Variants in PTPRN2 observed in about 807,000 individuals in gnomAD.
PTPRN2 encodes the protein protein tyrosine phosphatase receptor type N2, also known as receptor-type tyrosine-protein phosphatase N2.
Under a neutral mutation model 118.8 loss-of-function variants are expected in PTPRN2, and 74 were observed. The observed-to-expected ratio is 0.62, with a 90% CI of 0.52 to 0.76. PTPRN2 has a LOEUF of 0.76. Ranked by LOEUF, PTPRN2 falls within the 30% of genes least tolerant of loss-of-function variation. PTPRN2 has a pLI of 0.00. For missense variants in PTPRN2, 1,481 were observed against 1,394.4 expected (o/e 1.06, Z -0.99); for synonymous variants, 641 against 608.0 (o/e 1.05, Z -0.80).
intron 11 of PTPRN2, among the ~76,000 whole-genome samples, chr7:158,031,612 A>T (rs1360987615): frequency 6.6e-6 from 1 of 152,162 alleles, no homozygotes; most frequent in Non-Finnish European, 1.5e-5. Flanking sequence ...AGACTTCAGG[A>T]AAAAAAGAAA....
At chr7:158,152,163 G>T (rs939130163) in intron 6 of PTPRN2, among the ~76,000 whole-genome samples, 2 of 102,770 alleles carry the variant, frequency 1.9e-5, no homozygotes, top group African/African-American at 8.2e-5. Context: ...GAAAGAGTGA[G>T]ACTCTGTCTC....
chr7:157,541,353 C>T (rs926051880), intron 22 of PTPRN2, among the ~76,000 whole-genome samples: 11 of 152,268 alleles, frequency 7.2e-5, no homozygotes, highest in Non-Finnish European at 1.6e-4. Context: ...GTCCACACCC[C>T]TCCTGGCTCA....
chr7:158,083,973 G>A (rs1813049383), intron 10 of PTPRN2, among the ~76,000 whole-genome samples: 1 of 38,824 alleles, frequency 2.6e-5, no homozygotes, highest in Admixed American at 2.8e-4. Context: ...CTATCCCGAG[G>A]CCCCACTACA....
At chr7:158,073,914 C>T (rs1033230540) in intron 11 of PTPRN2, among the ~76,000 whole-genome samples, 1 of 152,206 alleles carries the variant, frequency 6.6e-6, no homozygotes, top group East Asian at 1.9e-4. Flanking sequence ...AGGCCCACAG[C>T]CCAGCGGCAT....
At chr7:157,717,916 G>A (rs747446855) in intron 12 of PTPRN2, among the ~76,000 whole-genome samples, 2 of 152,218 alleles carry the variant, frequency 1.3e-5, no homozygotes, top group Admixed American at 6.5e-5. Flanking sequence ...GCCATTTTTC[G>A]GTATTTCTCT....
At chr7:158,296,653 C>T (rs1428931332) in intron 3 of PTPRN2, among the ~76,000 whole-genome samples, 3 of 152,238 alleles carry the variant, frequency 2.0e-5, no homozygotes, top group Non-Finnish European at 4.4e-5. Context: ...TCTGAGCCCA[C>T]AGCCTGCCCG....
chr7:157,924,988 C>T (rs1798892412), intron 11 of PTPRN2, among the ~76,000 whole-genome samples: 1 of 57,940 alleles, frequency 1.7e-5, no homozygotes, highest in Admixed American at 2.0e-4. Flanking sequence ...GCACATCAGG[C>T]AAATGCAGTT....
chr7:158,029,246 CGGGGGCACGGGGTCCGTATCCACTTGCT>C (rs1807511980), intron 11 of PTPRN2: 2 of 150,562 alleles, frequency 1.3e-5, no homozygotes, highest in African/African-American at 4.9e-5. Context: ...ATCCTCTCGC[CGGGGGCACGGGGTCCGTATCCACTTGCT>C]AGGGCATGGG....
At chr7:158,195,198 G>T (rs1182914186) in intron 4 of PTPRN2, among the ~76,000 whole-genome samples, 1 of 152,176 alleles carries the variant, frequency 6.6e-6, no homozygotes, top group Non-Finnish European at 1.5e-5. Context: ...GTATCTGAAG[G>T]ATACTTCCAT....
In PTPRN2 at chr7:157,621,383, G is replaced by C. The variant is rs771778391; in HGVS notation, c.2323C>G (p.Arg775Gly). 4 of 1,539,382 alleles carry C rather than the reference G, an allele frequency of 2.6e-6. No individual in the cohort carries two copies. The highest frequency in any genetic ancestry group is 3.5e-6 in the Non-Finnish European group (4 of 1,130,740). The change falls in exon 15 of 23, where the codon CGC becomes GGC. Residue 775 changes from arginine to glycine, a missense_variant. Coordinates refer to ENST00000389418, the MANE Select transcript of PTPRN2 (RefSeq NM_002847.5). ...AQREENVPKN[R>G]SLAVLTYDHS... The stretch of plus-strand genomic sequence containing the variant: ...GTACAGGTCAGCACGGCCAGGGAGC[G>C]GTTCTTGGGCACGTTCTCCTCCCTC...
At chr7:158,096,186 C>T (rs1177691065) in intron 10 of PTPRN2, among the ~76,000 whole-genome samples, 1 of 152,202 alleles carries the variant, frequency 6.6e-6, no homozygotes, top group Non-Finnish European at 1.5e-5. Flanking sequence ...TCTCTCCAAC[C>T]CTGTCATGGC....
chr7:157,685,222 C>A (rs1351993619), intron 12 of PTPRN2, among the ~76,000 whole-genome samples: 2 of 151,874 alleles, frequency 1.3e-5, no homozygotes, highest in Non-Finnish European at 2.9e-5. Context: ...GGCCCCCGCG[C>A]GCCTCCATCC....
chr7:158,306,340 A>T (rs1238912480), intron 3 of PTPRN2, among the ~76,000 whole-genome samples: 2 of 152,170 alleles, frequency 1.3e-5, no homozygotes, highest in East Asian at 1.9e-4. Flanking sequence ...GGCTGTGCAC[A>T]CTCAGGGAAG....
At chr7:157,578,477 G>A (rs1455103886) in intron 17 of PTPRN2, among the ~76,000 whole-genome samples, 3 of 152,148 alleles carry the variant, frequency 2.0e-5, no homozygotes, top group South Asian at 2.1e-4. Context: ...TTCTCGAGGC[G>A]GTGCCGACAC....
At chr7:158,149,059 A>ACGCCACG (rs1432696100) in intron 6 of PTPRN2, among the ~76,000 whole-genome samples, 1 of 124,330 alleles carries the variant, frequency 8.0e-6, no homozygotes, top group Admixed American at 8.1e-5. Context: ...ACCCCATCTC[A>ACGCCACG]TGCCACGTGT....
At chr7:158,147,432 A>G (rs111992723) in intron 6 of PTPRN2, among the ~76,000 whole-genome samples, 14 of 34,394 alleles carry the variant, frequency 4.1e-4, no homozygotes, top group East Asian at 2.6e-3. Context: ...CTCATGCCAC[A>G]CGTCTTTCCC....
chr7:158,253,580 C>A (rs180700364), intron 3 of PTPRN2, among the ~76,000 whole-genome samples: 1 of 152,284 alleles, frequency 6.6e-6, no homozygotes, highest in African/African-American at 2.4e-5. Flanking sequence ...CAGGACCGCG[C>A]CCCACAGGAA....
intron 12 of PTPRN2, among the ~76,000 whole-genome samples, chr7:157,730,887 TTC>T (rs1233826910): frequency 6.6e-6 from 1 of 152,058 alleles, no homozygotes; most frequent in African/African-American, 2.4e-5. Context: ...CTTCCGCTTG[TTC>T]TCTCTCTCAT....
At chr7:157,707,428 C>T (rs1230391616) in intron 12 of PTPRN2, among the ~76,000 whole-genome samples, 1 of 152,200 alleles carries the variant, frequency 6.6e-6, no homozygotes, top group Non-Finnish European at 1.5e-5. Flanking sequence ...ATATTAGCTT[C>T]CCATGAATTG....
Sources: gnomAD v4.1 joint callset for allele counts (sites outside exome capture counted in the v4.1 genomes callset) on GRCh38, gnomAD v4.1.1 for gene constraint, MANE v1.5 for transcripts, NCBI Gene and HGNC (gene_info 2026-07-23, HGNC 2026-07-21) for gene names.